The following FBXW7 variants were observed in gnomAD, a reference collection of about 807,000 sequenced individuals.
FBXW7 encodes the protein F-box/WD repeat-containing protein 7.
A neutral mutation model predicts 86.3 loss-of-function variants in FBXW7; 11 were observed. The observed-to-expected ratio is 0.13, with a 90% CI of 0.08 to 0.21. The LOEUF (loss-of-function observed/expected upper bound fraction) is 0.21. Ranked by LOEUF, FBXW7 falls within the 10% of genes least tolerant of loss-of-function variation. The probability of loss-of-function intolerance (pLI) is 1.00; values close to 1 mark genes in which losing one functional copy is unlikely to be tolerated. For synonymous variants in FBXW7, 313 were observed against 297.9 expected, an observed-to-expected ratio of 1.05 and a Z score of -0.52; for missense variants, 488 against 847.4, an observed-to-expected ratio of 0.58 and a Z score of 5.27.
At chr4:152,456,187 A>G (rs893361656) in intron 2 of FBXW7, among the ~76,000 whole-genome samples, 23 of 152,084 alleles carry the variant, frequency 1.5e-4, no homozygotes, top group Non-Finnish European at 2.9e-4. Context: ...GCACATAGAA[A>G]GAACTCTTAT....
At chr4:152,381,892 A>G (rs1735109932) in intron 4 of FBXW7, among the ~76,000 whole-genome samples, 2 of 152,164 alleles carry the variant, frequency 1.3e-5, no homozygotes, top group African/African-American at 4.8e-5. Context: ...TACAGTGCTA[A>G]TATTTGTCAA....
At chr4:152,493,930 A>G (rs1468472354) in intron 2 of FBXW7, among the ~76,000 whole-genome samples, 5 of 152,228 alleles carry the variant, frequency 3.3e-5, no homozygotes, top group Admixed American at 3.3e-4. Flanking sequence ...ATCATAAGCA[A>G]ATACTATTAC....
At chr4:152,481,127 C>T (rs1346530940) in intron 2 of FBXW7, among the ~76,000 whole-genome samples, 1 of 152,166 alleles carries the variant, frequency 6.6e-6, no homozygotes, top group Non-Finnish European at 1.5e-5. Context: ...ATGTTAGGAG[C>T]CAATGCTACT....
At chr4:152,440,501 CAAAATTTAATTTT>C (rs1029841055) in intron 2 of FBXW7, among the ~76,000 whole-genome samples, 8 of 152,184 alleles carry the variant, frequency 5.3e-5, no homozygotes, top group African/African-American at 1.9e-4. Flanking sequence ...AAACTCTAAC[CAAAATTTAATTTT>C]GGTAACACAA....
intron 7 of FBXW7, among the ~76,000 whole-genome samples, chr4:152,334,970 G>A (rs1162492654): frequency 6.6e-6 from 1 of 152,110 alleles, no homozygotes; most frequent in Non-Finnish European, 1.5e-5. Flanking sequence ...AGAAAAAGTA[G>A]AGCACAAATA....
At chr4:152,520,031 T>C (rs535546186) in intron 2 of FBXW7, among the ~76,000 whole-genome samples, 2 of 152,346 alleles carry the variant, frequency 1.3e-5, no homozygotes, top group South Asian at 4.1e-4. Flanking sequence ...AAACATTCAA[T>C]ACATGGTAAT....
chr4:152,422,918 GTTTA>G (rs1475484821), intron 2 of FBXW7, among the ~76,000 whole-genome samples: 1 of 152,052 alleles, frequency 6.6e-6, no homozygotes, highest in Non-Finnish European at 1.5e-5. Context: ...TAATCTACAG[GTTTA>G]TTTTCCATTC....
intron 4 of FBXW7, among the ~76,000 whole-genome samples, chr4:152,406,252 C>G (rs894750780): frequency 5.9e-5 from 9 of 151,958 alleles, no homozygotes; most frequent in African/African-American, 1.9e-4. Context: ...TTAAAATGGT[C>G]CATTTGGTGT....
chr4:152,450,920 G>A (rs1470071586), intron 2 of FBXW7, among the ~76,000 whole-genome samples: 3 of 152,012 alleles, frequency 2.0e-5, no homozygotes, highest in Non-Finnish European at 4.4e-5. Flanking sequence ...CTTCCTCCTC[G>A]TCCCCCACAC....
intron 4 of FBXW7, among the ~76,000 whole-genome samples, chr4:152,400,828 T>C (rs1229002548): frequency 2.6e-5 from 4 of 152,164 alleles, no homozygotes; most frequent in African/African-American, 9.7e-5. Flanking sequence ...GGATAAACGA[T>C]TGTTATCCAA....
At chr4:152,468,025 A>T (rs537158386) in intron 2 of FBXW7, among the ~76,000 whole-genome samples, 6 of 152,234 alleles carry the variant, frequency 3.9e-5, no homozygotes, top group African/African-American at 1.2e-4. Context: ...TCTCCAAAGA[A>T]GATATATGGT....
intron 2 of FBXW7, among the ~76,000 whole-genome samples, chr4:152,499,899 A>G (rs1050243189): frequency 2.0e-5 from 3 of 152,164 alleles, no homozygotes; most frequent in Non-Finnish European, 4.4e-5. Flanking sequence ...ATCCATGATC[A>G]TTTAGTCACA....
chr4:152,446,798 T>C (rs1741443259), intron 2 of FBXW7, among the ~76,000 whole-genome samples: 1 of 152,192 alleles, frequency 6.6e-6, no homozygotes. Flanking sequence ...GGCACTCCAG[T>C]AAAACATATC....
At chr4:152,377,960 G>C (rs1016797431) in intron 4 of FBXW7, among the ~76,000 whole-genome samples, 2 of 152,114 alleles carry the variant, frequency 1.3e-5, no homozygotes, top group East Asian at 3.8e-4. Flanking sequence ...CAGTACTGTT[G>C]TAACAGTAAA....
chr4:152,385,985 G>A (rs959858188), intron 4 of FBXW7, among the ~76,000 whole-genome samples: 3 of 151,704 alleles, frequency 2.0e-5, no homozygotes, highest in Non-Finnish European at 4.4e-5. Context: ...CAATCAACAC[G>A]AAACACTAAA....
At chr4:152,416,275 C>T (rs1738423034) in intron 2 of FBXW7, among the ~76,000 whole-genome samples, 1 of 152,146 alleles carries the variant, frequency 6.6e-6, no homozygotes, top group South Asian at 2.1e-4. Flanking sequence ...ACAAACACAA[C>T]GTCAATTACT....
intron 2 of FBXW7, among the ~76,000 whole-genome samples, chr4:152,455,015 G>A (rs1009053847): frequency 2.0e-5 from 3 of 151,942 alleles, no homozygotes; most frequent in Non-Finnish European, 4.4e-5. Flanking sequence ...AAAGTCATCA[G>A]GAAATCCAGA....
At chr4:152,526,506 C>A (rs1377612550) in intron 2 of FBXW7, among the ~76,000 whole-genome samples, 2 of 152,044 alleles carry the variant, frequency 1.3e-5, no homozygotes, top group Non-Finnish European at 2.9e-5. Flanking sequence ...AACCCACATA[C>A]TAATAATTTC....
chr4:152,488,246 AT>A (rs761132632), intron 2 of FBXW7, among the ~76,000 whole-genome samples: 2 of 152,076 alleles, frequency 1.3e-5, no homozygotes, highest in Non-Finnish European at 2.9e-5. Flanking sequence ...GCATAAAAAA[AT>A]ATAAATTTTT....
Sources: gnomAD v4.1 joint callset for allele counts (sites outside exome capture counted in the v4.1 genomes callset) on GRCh38, gnomAD v4.1.1 for gene constraint, MANE v1.5 for transcripts, NCBI Gene and HGNC (gene_info 2026-07-23, HGNC 2026-07-21) for gene names.